Variants in TEX261 observed in about 807,000 individuals in gnomAD.
The protein encoded by TEX261 is protein TEX261.
A neutral mutation model predicts 25.1 loss-of-function variants in TEX261; 13 were observed. The observed-to-expected ratio is 0.52, with a 90% CI of 0.34 to 0.82. TEX261 has a LOEUF of 0.82. Ranked by LOEUF, TEX261 falls within the 40% of genes least tolerant of loss-of-function variation. TEX261 has a pLI of 0.02. For missense variants in TEX261, 206 were observed against 243.2 expected, an observed-to-expected ratio of 0.85 and a Z score of 1.02; for synonymous variants, 92 against 97.8, an observed-to-expected ratio of 0.94 and a Z score of 0.35.
intron 3 of TEX261, 60 bp downstream of exon 3, chr2:70,991,770 A>G: frequency 6.3e-7 from 1 of 1,582,472 alleles, no homozygotes; most frequent in Non-Finnish European, 8.6e-7. Flanking sequence ...TTTAGTGCCC[A>G]GGATGGAGAT....
chr2:70,987,823 C>A lies in TEX261; in HGVS notation c.*777G>T, dbSNP rs1219042812. The A allele has an allele frequency of 6.6e-6, 1 of 152,222 alleles. No homozygotes were observed. Among genetic ancestry groups the A allele is most frequent in the Non-Finnish European group, 1.5e-5 (1 of 68,038 alleles). The allele number at this position is 152,222 out of a possible 1,614,324, so 9.4% of individuals were successfully genotyped here. A position where few individuals can be genotyped will look rare whatever the true frequency, so the allele number is the denominator to read the frequency against. On this transcript the variant is annotated 3_prime_UTR_variant, in exon 6 of 6. Transcript: ENST00000272438. Reference sequence around the variant, plus strand: ...TAGATGTTCTTCTGAAAATCTAGCCCAGTCCTAAATTGTCCCCTCTCCTAC... The same window carrying A: ...TAGATGTTCTTCTGAAAATCTAGCCAAGTCCTAAATTGTCCCCTCTCCTAC...
At chr2:70,989,280 G>A (rs1553425344) in intron 4 of TEX261, 1 of 539,752 alleles carries the variant, frequency 1.9e-6, no homozygotes, top group Non-Finnish European at 3.3e-6. Context: ...GAAGGAGGCA[G>A]ACAAAGTGCT....
In TEX261 at chr2:70,988,041, G is replaced by A. The variant is rs1198960348; in HGVS notation, c.*559C>T. ...ACCCAGAAAAGGAGTCCCTGGAGCA[G>A]AAAAGTGAGTCCAGTCCAGAGCAGA... On this transcript the variant is annotated 3_prime_UTR_variant, in exon 6 of 6. Transcript: ENST00000272438. The A allele has an allele frequency of 6.4e-6, 1 of 155,272 alleles. No individual in the cohort carries two copies. The highest frequency in any genetic ancestry group is 1.4e-5 in the Non-Finnish European group (1 of 69,844). The allele number at this position is 155,272 out of a possible 1,614,324, so 9.6% of individuals were successfully genotyped here. A position where few individuals can be genotyped will look rare whatever the true frequency, so the allele number is the denominator to read the frequency against.
In TEX261 at chr2:70,988,329, A is replaced by G; in HGVS notation, c.*271T>C. On this transcript the variant is annotated 3_prime_UTR_variant, in exon 6 of 6. Transcript: ENST00000272438. ...GCCAGAACCTCCTGACCCACCTTGG[A>G]AGGGACAGGGGAGGACTGAGGGACC... The G allele has an allele frequency of 2.4e-6, 1 of 413,916 alleles. No homozygotes were observed. Among genetic ancestry groups the G allele is most frequent in the Non-Finnish European group, 4.5e-6 (1 of 223,546 alleles). The allele number at this position is 413,916 out of a possible 1,614,324, so 25.6% of individuals were successfully genotyped here.
rs1670209872 is a variant in TEX261 at position 70,987,299 on chromosome 2, G to A, written c.*1301C>T. On this transcript the variant is annotated 3_prime_UTR_variant, in exon 6 of 6. Transcript: ENST00000272438. The stretch of plus-strand genomic sequence containing the variant: ...GGAAAGCTGGTATTCTTAAGAGAAG[G>A]TAAATGCTAAAGCCAAGGAAATGAA... 1 of 152,232 alleles carries A rather than the reference G, an allele frequency of 6.6e-6. No homozygotes were observed. Among genetic ancestry groups the A allele is most frequent in the Non-Finnish European group, 1.5e-5 (1 of 68,040 alleles). 9.4% of individuals were successfully genotyped at this position (152,232 alleles called of 1,614,324 possible).
chr2:70,991,196 A>G (rs1297190713), intron 3 of TEX261, among the ~76,000 whole-genome samples: 5 of 152,252 alleles, frequency 3.3e-5, no homozygotes, highest in African/African-American at 1.2e-4. Context: ...TAGTTCTTTC[A>G]GAAACATCCT....
At chr2:70,988,753 A>AGAGT (rs1553425232) in intron 5 of TEX261, 38 bp from the exon 6 acceptor site, 3 of 1,351,456 alleles carry the variant, frequency 2.2e-6, no homozygotes, top group Non-Finnish European at 3.1e-6. Context: ...AGAGAGAGAG[A>AGAGT]GTGTGTGTGT....
At chr2:70,989,510 G>C in intron 4 of TEX261, 1 of 517,078 alleles carries the variant, frequency 1.9e-6, no homozygotes, top group Non-Finnish European at 3.5e-6. Flanking sequence ...ATGACCCCTC[G>C]AGGGGGACCC....
At chr2:70,988,760 G>A (rs782687878) in intron 5 of TEX261, 45 bp from the exon 6 acceptor site, 5 of 1,549,660 alleles carry the variant, frequency 3.2e-6, no homozygotes, top group Non-Finnish European at 4.5e-6. Flanking sequence ...GAGAGTGTGT[G>A]TGTGTGTGTG....
At chr2:70,994,003 G>A (rs890889246) in intron 1 of TEX261, among the ~76,000 whole-genome samples, 1 of 152,208 alleles carries the variant, frequency 6.6e-6, no homozygotes, top group African/African-American at 2.4e-5. Context: ...TGATGCCACA[G>A]TACAATGATA....
chr2:70,993,548 GAC>G, intron 2 of TEX261, 146 bp downstream of exon 2: 1 of 713,602 alleles, frequency 1.4e-6, no homozygotes. Flanking sequence ...AGACCCAAAA[GAC>G]AGCGTTCAGG....
Position 70,988,429 on chromosome 2 carries a change from T to C in TEX261, c.*171A>G, listed in dbSNP as rs1553425149. The C allele has an allele frequency of 3.3e-6, 2 of 606,396 alleles. No individual in the cohort carries two copies. The highest frequency in any genetic ancestry group is 2.9e-6 in the Non-Finnish European group (1 of 340,162). The allele number at this position is 606,396 out of a possible 1,614,324, so 37.6% of individuals were successfully genotyped here. A position where few individuals can be genotyped will look rare whatever the true frequency, so the allele number is the denominator to read the frequency against. ...GGTTACAGCCTCTTGAAGCATCAGA[T>C]CTGAGCCAAGCTGAGCCCCCCAAGG... On this transcript the variant is annotated 3_prime_UTR_variant, in exon 6 of 6. Transcript: ENST00000272438.
intron 3 of TEX261, 81 bp from the exon 4 acceptor site, chr2:70,989,897 T>C (rs1572941296): frequency 1.2e-5 from 13 of 1,054,906 alleles, no homozygotes; most frequent in Middle Eastern, 2.0e-4. Context: ...CCCTCAGAAG[T>C]TGGGAGCCTC....
At chr2:70,991,043 T>C (rs1366244247) in intron 3 of TEX261, among the ~76,000 whole-genome samples, 1 of 152,214 alleles carries the variant, frequency 6.6e-6, no homozygotes, top group Admixed American at 6.5e-5. Flanking sequence ...CTCCATCTGA[T>C]ACCCTGACTG....
rs1224283995 is a variant in TEX261 at position 70,986,487 on chromosome 2, A to G, written c.*2113T>C. On this transcript the variant is annotated 3_prime_UTR_variant, in exon 6 of 6. Coordinates refer to ENST00000272438, the MANE Select transcript of TEX261 (RefSeq NM_144582.3). ...GATAGAGAAGCAGTAGGAGGCTGTC[A>G]CGATAATCCAGGTGAAAGCTGATGA... is the stretch of plus-strand genomic sequence containing the variant. 5 of 152,738 alleles carry G rather than the reference A, an allele frequency of 3.3e-5. No individual in the cohort carries two copies. The highest frequency in any genetic ancestry group is 1.2e-4 in the African/African-American group (5 of 41,460). 9.5% of individuals were successfully genotyped at this position (152,738 alleles called of 1,614,324 possible). A position where few individuals can be genotyped will look rare whatever the true frequency, so the allele number is the denominator to read the frequency against.
chr2:70,991,750 C>T (rs1246685978), intron 3 of TEX261, 80 bp downstream of exon 3: 8 of 1,520,188 alleles, frequency 5.3e-6, no homozygotes, highest in Non-Finnish European at 6.2e-6. Flanking sequence ...CTTCCTTTTT[C>T]TGTATCCCCT....
intron 4 of TEX261, chr2:70,989,282 C>A: frequency 1.9e-6 from 1 of 537,620 alleles, no homozygotes; most frequent in Non-Finnish European, 3.3e-6. Context: ...AGGAGGCAGA[C>A]AAAGTGCTAA....
In TEX261 at chr2:70,993,687, G is replaced by A. The variant is rs1179208024; in HGVS notation, c.150+9C>T. 1.2e-6 allele frequency: 2 copies of A among 1,611,420 alleles called. No individual in the cohort carries two copies. The highest frequency in any genetic ancestry group is 2.2e-5 in the South Asian group (2 of 91,018). ...GTGAGGAGGACTCCTGGAGAAAGAT[G>A]CCACTTACCCAGATCATGTATTTTA... On this transcript the variant is annotated intron_variant, in intron 2 of 5. Coordinates refer to ENST00000272438, the MANE Select transcript of TEX261 (RefSeq NM_144582.3).
In TEX261 at chr2:70,994,714, T is replaced by C. The variant is rs924225997; in HGVS notation, c.44A>G (p.Gln15Arg). 3 of 1,605,790 alleles carry C rather than the reference T, an allele frequency of 1.9e-6. No individual in the cohort carries two copies. The highest frequency in any genetic ancestry group is 2.5e-6 in the Non-Finnish European group (3 of 1,177,104). The stretch of plus-strand genomic sequence containing the variant: ...GACAGCCAGCGTGATGAAGGCCACC[T>C]GGATGAAGAGCGACAGCCAGCTCAG... Reference protein sequence around the residue: ...YLLSWLSLFIQVAFITLAVAA... With the variant: ...YLLSWLSLFIRVAFITLAVAA... The change falls in exon 1 of 6, where the codon CAG becomes CGG. Residue 15 changes from glutamine to arginine, a missense_variant. Transcript: ENST00000272438.
Sources: gnomAD v4.1 joint callset for allele counts (sites outside exome capture counted in the v4.1 genomes callset) on GRCh38, gnomAD v4.1.1 for gene constraint, MANE v1.5 for transcripts, NCBI Gene and HGNC (gene_info 2026-07-23, HGNC 2026-07-21) for gene names.